Variants in P2RX1 observed in about 807,000 individuals in gnomAD.
The protein encoded by P2RX1 is purinergic receptor P2X 1, also known as P2X purinoceptor 1.
Under a neutral mutation model 50.3 loss-of-function variants are expected in P2RX1, and 42 were observed. That is an observed-to-expected ratio of 0.83 (90% CI 0.65 to 1.08). The LOEUF (loss-of-function observed/expected upper bound fraction) is 1.08. P2RX1 is among the 50% of genes least tolerant of loss of function. The pLI is 0.00. For missense variants in P2RX1, 449 were observed against 529.0 expected, an observed-to-expected ratio of 0.85 and a Z score of 1.48; for synonymous variants, 199 against 202.6, an observed-to-expected ratio of 0.98 and a Z score of 0.15.
In P2RX1 at chr17:3,914,400, C is replaced by T. The variant is rs1391631011; in HGVS notation, c.137+1689G>A. Among the ~76,000 whole-genome samples the T allele has an allele frequency of 6.6e-6, 1 of 152,094 alleles. No homozygotes were observed. On this transcript the variant is annotated intron_variant, in intron 1 of 11. Transcript: ENST00000225538. The surrounding 1 kb of genome is among the most constrained non-coding windows in gnomAD (Gnocchi z 4.1). ...GAGGTATAGGTTCCCGGCTGGGCAG[C>T]AGCTTGGGGCATAGGCTACGGCTGG... is the stretch of plus-strand genomic sequence containing the variant.
intron 3 of P2RX1, 67 bp downstream of exon 3, chr17:3,904,791 A>C (rs1195612861): frequency 1.6e-6 from 2 of 1,275,730 alleles, no homozygotes; most frequent in Non-Finnish European, 2.2e-6. Context: ...GTGCCCCTGG[A>C]GACTTTCTCT....
At chr17:3,901,560 A>G (rs1465855403) in intron 7 of P2RX1, among the ~76,000 whole-genome samples, 1 of 152,232 alleles carries the variant, frequency 6.6e-6, no homozygotes, top group African/African-American at 2.4e-5. Context: ...CGGAGCCCAT[A>G]TAGCCGGCAA....
Position 3,904,946 on chromosome 17 carries a change from GGGGGAGGGT to G in P2RX1, c.286-26_286-18del. ...GTTGTCCCCCTAGAAGTGAGGGGCA[GGGGGAGGGT>G]GGGGTGGGCTGGGAGCTGGGAGAAG... On this transcript the variant is annotated intron_variant, in intron 2 of 11. Transcript: ENST00000225538. The G allele has an allele frequency of 7.5e-7, 1 of 1,334,340 alleles. No homozygotes were observed. Among genetic ancestry groups the G allele is most frequent in the Non-Finnish European group, 1.1e-6 (1 of 941,962 alleles). The allele number at this position is 1,334,340 out of a possible 1,614,324, so 82.7% of individuals were successfully genotyped here.
intron 2 of P2RX1, 39 bp from the exon 3 acceptor site, chr17:3,904,968 G>A (rs765719906): frequency 2.0e-5 from 18 of 903,206 alleles, no homozygotes; most frequent in Non-Finnish European, 2.9e-5. Context: ...GGTGGGCTGG[G>A]AGCTGGGAGA....
In P2RX1 at chr17:3,916,320, TG is replaced by T. The variant is rs1267091980; in HGVS notation, c.-96del. 2 of 1,422,798 alleles carry T rather than the reference TG, an allele frequency of 1.4e-6. No individual in the cohort carries two copies. The highest frequency in any genetic ancestry group is 9.7e-7 in the Non-Finnish European group (1 of 1,032,010). The allele number at this position is 1,422,798 out of a possible 1,614,324, so 88.1% of individuals were successfully genotyped here. On this transcript the variant is annotated 5_prime_UTR_variant, in exon 1 of 12. Coordinates refer to ENST00000225538, the MANE Select transcript of P2RX1 (RefSeq NM_002558.4). ...CCACCCACGTCGATGGTAGAGCTTCTGGGGGCTTCCTGGCCCCTTAGGAAGA... is the reference window on the plus strand; with the variant it reads ...CCACCCACGTCGATGGTAGAGCTTCTGGGGCTTCCTGGCCCCTTAGGAAGA...
At chr17:3,908,446 C>G (rs975894429) in intron 1 of P2RX1, among the ~76,000 whole-genome samples, 3 of 152,152 alleles carry the variant, frequency 2.0e-5, no homozygotes, top group African/African-American at 7.2e-5. Context: ...CACCTGTAAT[C>G]CCGCTACTTG....
At chr17:3,911,964 C>G (rs1342953623) in intron 1 of P2RX1, among the ~76,000 whole-genome samples, 1 of 152,218 alleles carries the variant, frequency 6.6e-6, no homozygotes, top group Non-Finnish European at 1.5e-5. Flanking sequence ...GAACCTGAGA[C>G]TTTTGCTGGA....
intron 1 of P2RX1, among the ~76,000 whole-genome samples, chr17:3,906,561 C>A (rs2056268441): frequency 6.6e-6 from 1 of 152,206 alleles, no homozygotes; most frequent in South Asian, 2.1e-4. Context: ...CTGGGACCCC[C>A]TGGGAGACAG....
At chr17:3,913,799 A>G (rs2056403725) in intron 1 of P2RX1, among the ~76,000 whole-genome samples, 1 of 152,076 alleles carries the variant, frequency 6.6e-6, no homozygotes, top group Admixed American at 6.5e-5. Context: ...TGCCCACAGG[A>G]TCAGACATGA....
Position 3,904,804 on chromosome 17 carries a change from ACGTCAT to A in P2RX1, c.357+48_357+53del, listed in dbSNP as rs1438942930. 1.8e-5 allele frequency: 25 copies of A among 1,375,760 alleles called. No individual in the cohort carries two copies. The African/African-American group carries it at 3.2e-4, about 18-fold the overall frequency. 85.2% of individuals were successfully genotyped at this position (1,375,760 alleles called of 1,614,324 possible). A position where few individuals can be genotyped will look rare whatever the true frequency, so the allele number is the denominator to read the frequency against. ...CAGTGCCCCTGGAGACTTTCTCTGC[ACGTCAT>A]TTTCCCCTGTGAGTCCCAGAAGGGG... On this transcript the variant is annotated intron_variant, in intron 3 of 11. Transcript: ENST00000225538.
At chr17:3,899,593 GACC>G (rs2056098123) in intron 8 of P2RX1, 38 bp downstream of exon 8, 2 of 1,609,604 alleles carry the variant, frequency 1.2e-6, no homozygotes, top group Non-Finnish European at 1.7e-6. Context: ...AAGCCCGCAG[GACC>G]ACAAGGAAGA....
chr17:3,907,290 C>CATGTGTGTGTGT (rs3222958), intron 1 of P2RX1, among the ~76,000 whole-genome samples: 1 of 134,358 alleles, frequency 7.4e-6, no homozygotes, highest in African/African-American at 2.9e-5. Context: ...TTCAGGGTAA[C>CATGTGTGTGTGT]GTGTGTGTGT....
In P2RX1 at chr17:3,902,274, C is replaced by T. The variant is rs1347295759; in HGVS notation, c.747+928G>A. 2.6e-5 allele frequency among the ~76,000 whole-genome samples: 4 copies of T among 151,364 alleles called. No homozygotes were observed. In the South Asian group the frequency reaches 6.3e-4, roughly 24 times the overall value. On this transcript the variant is annotated intron_variant, in intron 7 of 11. Coordinates refer to ENST00000225538, the MANE Select transcript of P2RX1 (RefSeq NM_002558.4). ...CTGAGTAGCTGGGATTACAGGTGCC[C>T]GCCACCACACCCAGATAATTTTTGT...
intron 1 of P2RX1, among the ~76,000 whole-genome samples, chr17:3,909,755 A>G (rs1413543917): frequency 6.6e-6 from 1 of 152,114 alleles, no homozygotes; most frequent in Non-Finnish European, 1.5e-5. Flanking sequence ...CAAAACAAAC[A>G]CAAAAGTGAA....
At chr17:3,910,001 G>T (rs899106851) in intron 1 of P2RX1, among the ~76,000 whole-genome samples, 31 of 137,488 alleles carry the variant, frequency 2.3e-4, no homozygotes, top group Middle Eastern at 4.3e-3. Flanking sequence ...TTGAGACGGA[G>T]TCTCGCTCTG....
At chr17:3,912,051 C>T (rs1405169656) in intron 1 of P2RX1, among the ~76,000 whole-genome samples, 3 of 152,304 alleles carry the variant, frequency 2.0e-5, no homozygotes, top group African/African-American at 2.4e-5. Context: ...TGCTGGTGGC[C>T]GTTTCACCAC....
rs371684644 is a variant in P2RX1, at chr17:3,903,812, C to G, written c.524+116G>C. 1.4e-4 allele frequency: 158 copies of G among 1,103,206 alleles called. 2 individuals are homozygous for G. Among genetic ancestry groups the G allele is most frequent in the Admixed American group, 1.3e-3 (72 of 53,404 alleles). 68.3% of individuals were successfully genotyped at this position (1,103,206 alleles called of 1,614,324 possible). A position where few individuals can be genotyped will look rare whatever the true frequency, so the allele number is the denominator to read the frequency against. ...CCAGGGGAATCTTCAGCCTAGGTTGCGCGGATGGGGTGAGGGTGGGGTCAG... is the reference window on the plus strand; with the variant it reads ...CCAGGGGAATCTTCAGCCTAGGTTGGGCGGATGGGGTGAGGGTGGGGTCAG... On this transcript the variant is annotated intron_variant, in intron 5 of 11. Coordinates refer to ENST00000225538, the MANE Select transcript of P2RX1 (RefSeq NM_002558.4). This position sits in a 1 kb window ranked among gnomAD's most constrained non-coding sequence, Gnocchi z 4.6.
At chr17:3,908,100 G>A (rs1466333900) in intron 1 of P2RX1, among the ~76,000 whole-genome samples, 5 of 152,298 alleles carry the variant, frequency 3.3e-5, no homozygotes, top group South Asian at 4.1e-4. Context: ...CACCTCCACT[G>A]AGCAACACTG....
intron 1 of P2RX1, among the ~76,000 whole-genome samples, chr17:3,911,338 C>T (rs966016913): frequency 9.2e-5 from 14 of 152,074 alleles, no homozygotes; most frequent in Admixed American, 8.5e-4. Flanking sequence ...TCACCAATCT[C>T]TAAAAACCAA....
Sources: allele counts gnomAD v4.1 joint callset (sites outside exome capture counted in the v4.1 genomes callset), GRCh38; gene constraint gnomAD v4.1.1; non-coding constraint Gnocchi (gnomAD v3.1); transcripts MANE v1.5; gene names NCBI Gene and HGNC (gene_info 2026-07-23, HGNC 2026-07-21).